ANKFN1: variants seen among roughly 807,000 people sequenced by gnomAD.
ANKFN1 encodes the protein ankyrin repeat and fibronectin type-III domain-containing protein 1.
Under a neutral mutation model 108.7 loss-of-function variants are expected in ANKFN1, and 74 were observed. That is an observed-to-expected ratio of 0.68 (90% confidence interval 0.56 to 0.83). The LOEUF (loss-of-function observed/expected upper bound fraction) is 0.83. Ranked by LOEUF, ANKFN1 falls within the 40% of genes least tolerant of loss-of-function variation. The pLI is 0.00. For missense variants in ANKFN1, 1,505 were observed against 1,382.3 expected (o/e 1.09, Z -1.41); for synonymous variants, 547 against 516.2 (o/e 1.06, Z -0.81).
rs542883705 is a variant in ANKFN1, at chr17:56,093,676, C to T, written c.288+47351C>T. 2.1e-4 allele frequency among the ~76,000 whole-genome samples: 32 copies of T among 151,496 alleles called. 2 individuals carry two copies. The South Asian group carries it at 2.7e-3, about 13-fold the overall frequency. On this transcript the variant is annotated intron_variant, in intron 4 of 12. Coordinates refer to the ANKFN1 transcript ENST00000635860. ...TTCTACAACTTCCCAAGTTTGCTTT[C>T]GCAAGTAAATGTCAAGCCCCAAGGT... is the stretch of plus-strand genomic sequence containing the variant.
intron 8 of ANKFN1, among the ~76,000 whole-genome samples, chr17:56,426,110 A>G (rs1391095756): frequency 6.6e-6 from 1 of 152,184 alleles, no homozygotes; most frequent in Non-Finnish European, 1.5e-5. Flanking sequence ...TATTATGTAT[A>G]TTTCCCTCCA....
intron 4 of ANKFN1, among the ~76,000 whole-genome samples, chr17:56,133,638 ACT>A (rs35456876): frequency 0.31 from 46,221 of 149,224 alleles, 8,705 homozygotes; most frequent in East Asian, 0.53. Flanking sequence ...ACATTCCATC[ACT>A]CTACATTTCC....
Position 56,467,091 on chromosome 17 carries a change from G to A in ANKFN1, c.1773+520G>A, listed in dbSNP as rs1299529864. On this transcript the variant is annotated intron_variant, in intron 15 of 20. Transcript: ENST00000682825. ...AGATTGTGCGACTGCCCTCCAGCCT[G>A]GACAACAGAGTAAGACTCTGTCTCA... 2.0e-5 allele frequency among the ~76,000 whole-genome samples: 3 copies of A among 152,178 alleles called. No homozygotes were observed. In the East Asian group the frequency reaches 5.8e-4, roughly 29 times the overall value.
intron 11 of ANKFN1, among the ~76,000 whole-genome samples, chr17:56,455,381 AG>A (rs1361901931): frequency 6.6e-6 from 1 of 152,216 alleles, no homozygotes; most frequent in Non-Finnish European, 1.5e-5. Context: ...GTCAGAAAAA[AG>A]AATGATTTTG....
Position 56,361,039 on chromosome 17 carries a change from G to A in ANKFN1, c.601+6993G>A, listed in dbSNP as rs111469395. On this transcript the variant is annotated intron_variant, in intron 6 of 20. Transcript: ENST00000682825. ...AACCACTATTCTACTCTCTGTTTCT[G>A]TGTGTTTGACTTTTTAAATTTCCAG... Among the ~76,000 whole-genome samples, 651 of 152,092 alleles carry A rather than the reference G, an allele frequency of 4.3e-3. 11 individuals carry two copies. The highest frequency in any genetic ancestry group is 0.014 in the African/African-American group (591 of 41,478).
chr17:56,437,327 A>G (rs1272826753), intron 8 of ANKFN1, among the ~76,000 whole-genome samples: 1 of 152,208 alleles, frequency 6.6e-6, no homozygotes, highest in Non-Finnish European at 1.5e-5. Context: ...CGTATCTCTG[A>G]AAAACTTTTC....
At chr17:56,377,740 AG>A (rs1398014481) in intron 8 of ANKFN1, among the ~76,000 whole-genome samples, 1 of 152,222 alleles carries the variant, frequency 6.6e-6, no homozygotes, top group East Asian at 1.9e-4. Flanking sequence ...CATTTGCAAA[AG>A]TGATTTTACT....
intron 4 of ANKFN1, among the ~76,000 whole-genome samples, chr17:56,334,657 G>GAT (rs1410858703): frequency 3.3e-5 from 5 of 152,138 alleles, no homozygotes; most frequent in African/African-American, 1.2e-4. Flanking sequence ...TAATTATGAG[G>GAT]AAATTGAGGT....
chr17:56,251,138 C>A (rs1218354902), intron 3 of ANKFN1, among the ~76,000 whole-genome samples: 1 of 152,182 alleles, frequency 6.6e-6, no homozygotes, highest in Non-Finnish European at 1.5e-5. Flanking sequence ...TGCCTATAAA[C>A]CCAGCACTTT....
chr17:56,331,000 C>T (rs1399351694), intron 4 of ANKFN1, among the ~76,000 whole-genome samples: 1 of 152,086 alleles, frequency 6.6e-6, no homozygotes, highest in Non-Finnish European at 1.5e-5. Flanking sequence ...GGATTGGCCA[C>T]CCTTTAGCAC....
At chr17:56,389,600 C>A (rs1378897439) in intron 8 of ANKFN1, among the ~76,000 whole-genome samples, 1 of 152,158 alleles carries the variant, frequency 6.6e-6, no homozygotes, top group Non-Finnish European at 1.5e-5. Context: ...TTAGCTTAAG[C>A]CAACACTTGT....
intron 3 of ANKFN1, among the ~76,000 whole-genome samples, chr17:56,304,446 AT>A (rs147124910): frequency 0.066 from 10,073 of 152,274 alleles, 591 homozygotes; most frequent in African/African-American, 0.15. Context: ...TAAGGCTTTA[AT>A]AAACATTTGT....
chr17:56,394,399 G>A (rs9905142), intron 8 of ANKFN1, among the ~76,000 whole-genome samples: 8,844 of 152,234 alleles, frequency 0.058, 303 homozygotes, highest in African/African-American at 0.077. Flanking sequence ...GAACTCTGGA[G>A]CCATGAAGCC....
intron 1 of ANKFN1, among the ~76,000 whole-genome samples, 133 bp from the exon 2 acceptor site, chr17:56,212,465 A>G (rs981300623): frequency 1.3e-5 from 2 of 152,068 alleles, no homozygotes; most frequent in African/African-American, 4.8e-5. Context: ...GGATTTTTGC[A>G]TTTATGTTCA....
At chr17:56,190,578 T>C (rs879941271) in intron 1 of ANKFN1, among the ~76,000 whole-genome samples, 32 of 120,944 alleles carry the variant, frequency 2.6e-4, no homozygotes, top group Admixed American at 9.0e-4. Flanking sequence ...GTCTGAGAGA[T>C]AGTTTGTTAT....
chr17:56,375,977 G>A (rs117229994), intron 8 of ANKFN1, among the ~76,000 whole-genome samples: 4 of 152,160 alleles, frequency 2.6e-5, no homozygotes, highest in East Asian at 1.9e-4. Flanking sequence ...TCTTGAATAC[G>A]AGGAACAAAA....
chr17:56,496,914 A>T (rs1431348119), intron 19 of ANKFN1, among the ~76,000 whole-genome samples: 1 of 152,130 alleles, frequency 6.6e-6, no homozygotes, highest in African/African-American at 2.4e-5. Flanking sequence ...ACTTATCTAT[A>T]TTATCTTACT....
At position 56,280,679 on chromosome 17, in the gene ANKFN1, C is replaced by A. The variant is rs938677496; in HGVS notation, c.54-45542C>A. Among the ~76,000 whole-genome samples, 7 of 151,930 alleles carry A rather than the reference C, an allele frequency of 4.6e-5. No homozygotes were observed. The East Asian group carries it at 1.4e-3, about 29-fold the overall frequency. On this transcript the variant is annotated intron_variant, in intron 3 of 20. Coordinates refer to ENST00000682825, the MANE Select transcript of ANKFN1 (RefSeq NM_001370326.1). Reference sequence around the variant, plus strand: ...CATTTGTTCTGTTTCTGTGGAGAACCCTGGCTAATACAAAATCACGGAGTT... The same window carrying A: ...CATTTGTTCTGTTTCTGTGGAGAACACTGGCTAATACAAAATCACGGAGTT...
intron 4 of ANKFN1, among the ~76,000 whole-genome samples, chr17:56,103,561 G>T (rs1370155517): frequency 6.6e-6 from 1 of 152,118 alleles, no homozygotes; most frequent in Non-Finnish European, 1.5e-5. Context: ...TTGGGTGTGT[G>T]GTTCTTCCAT....
Sources: allele counts gnomAD v4.1 joint callset (sites outside exome capture counted in the v4.1 genomes callset), GRCh38; gene constraint gnomAD v4.1.1; transcripts MANE v1.5; gene names NCBI Gene and HGNC (gene_info 2026-07-23, HGNC 2026-07-21).